Variants in NKX2-2 observed in about 807,000 individuals in gnomAD.
NKX2-2 encodes the protein homeobox protein Nkx-2.2.
A neutral mutation model predicts 24.6 loss-of-function variants in NKX2-2; 8 were observed. That is an observed-to-expected ratio of 0.32 (90% confidence interval 0.19 to 0.59). NKX2-2 has a LOEUF of 0.59. NKX2-2 is among the 20% of genes least tolerant of loss of function. NKX2-2 has a pLI of 0.86. For synonymous variants in NKX2-2, 217 were observed against 173.3 expected (o/e 1.25, Z -1.98); for missense variants, 381 against 373.9 (o/e 1.02, Z -0.16).
upstream of NKX2-2, among the ~76,000 whole-genome samples, chr20:21,515,766 C>G (rs997258729): frequency 1.3e-5 from 2 of 152,126 alleles, no homozygotes; most frequent in African/African-American, 4.8e-5. Context: ...CCAAGCTGAG[C>G]GCGCGGGCAC....
In NKX2-2 at chr20:21,513,562, G is replaced by A. The variant is rs201064818; in HGVS notation, c.108C>T (p.Asn36=). 1.8e-5 allele frequency: 29 copies of A among 1,613,336 alleles called. No individual in the cohort carries two copies. The Middle Eastern group carries it at 6.6e-4, about 37-fold the overall frequency. ...CCCTCTTGGCTGGCTCGGGCCCCTC[G>A]TTCTCTTCCTCCGGACCTTCGGCCA... ...GSVAEGPEEE[N]EGPEPAKRAG... The change falls in exon 1 of 2, where the codon AAC becomes AAT. Residue 36 remains asparagine, a synonymous_variant. Coordinates refer to ENST00000377142, the MANE Select transcript of NKX2-2 (RefSeq NM_002509.4). The surrounding 1 kb of genome is among the most constrained non-coding windows in gnomAD (Gnocchi z 4.6).
the NKX2-2 span, among the ~76,000 whole-genome samples, chr20:21,519,696 C>A: frequency 6.6e-6 from 1 of 152,230 alleles, no homozygotes; most frequent in African/African-American, 2.4e-5. Flanking sequence ...AGGAGTACTA[C>A]CCCGTGCTGG....
Position 21,512,390 on chromosome 20 carries a change from G to A in NKX2-2, c.355C>T (p.Pro119Ser), listed in dbSNP as rs772583033. The stretch of plus-strand genomic sequence containing the variant: ...TTGCCGGCGTCCCCCCCGCCGCCCG[G>A]GGTCTCCTTGTCATTGTCCGGTGAC... ...DESPDNDKET[P>S]GGGGDAGKKR... The change falls in exon 2 of 2, where the codon CCG becomes TCG. Residue 119 changes from proline (P) to serine (S), a missense_variant. Around this residue, in one of 3 missense-constraint regions of NKX2-2, gnomAD observed 206 missense variants for 173.1 expected, o/e 1.19. Transcript: ENST00000377142. The A allele has an allele frequency of 1.2e-6, 2 of 1,600,810 alleles. No individual in the cohort carries two copies. Among genetic ancestry groups the A allele is most frequent in the Non-Finnish European group, 1.7e-6 (2 of 1,175,808 alleles).
chr20:21,519,697 C>T, the NKX2-2 span, among the ~76,000 whole-genome samples: 1 of 152,214 alleles, frequency 6.6e-6, no homozygotes, highest in Non-Finnish European at 1.5e-5. Flanking sequence ...GGAGTACTAC[C>T]CCGTGCTGGG....
upstream of NKX2-2, among the ~76,000 whole-genome samples, chr20:21,515,189 TCCCTCCCTCTCCGGCC>T (rs1242439433): frequency 6.8e-6 from 1 of 147,186 alleles, no homozygotes; most frequent in Non-Finnish European, 1.5e-5. Context: ...CCCTCTATTA[TCCCTCCCTCTCCGGCC>T]CCCTCCCTCT....
upstream of NKX2-2, among the ~76,000 whole-genome samples, chr20:21,514,294 A>T (rs1285727441): frequency 6.6e-6 from 1 of 152,152 alleles, no homozygotes; most frequent in African/African-American, 2.4e-5. Context: ...CAGTATTTGC[A>T]GATGTGAAAT....
chr20:21,512,539 C>T, intron 1 of NKX2-2, 54 bp from the exon 2 acceptor site: 3 of 1,335,252 alleles, frequency 2.2e-6, no homozygotes, highest in Non-Finnish European at 3.0e-6. Context: ...CGCGCGCAGC[C>T]TGCACCAGAC....
At chr20:21,518,741 T>A (rs1245045563), upstream of NKX2-2, among the ~76,000 whole-genome samples, 1 of 152,180 alleles carries the variant, frequency 6.6e-6, no homozygotes, top group African/African-American at 2.4e-5. Flanking sequence ...ACGCCCCCTG[T>A]TGTGGGGGTG....
In NKX2-2 at chr20:21,511,934, A is replaced by G. The variant is rs1402311246; in HGVS notation, c.811T>C (p.Trp271Arg). Residue 271 changes from tryptophan to arginine, a missense_variant, in exon 2 of 2, where the codon TGG (tryptophan) becomes CGG (arginine). Physicochemically the swap from Trp to Arg is moderately radical, Grantham distance 101 (BLOSUM62 -3). Around this residue, in one of 3 missense-constraint regions of NKX2-2, gnomAD observed 139 missense variants for 121.7 expected, o/e 1.14. Transcript: ENST00000377142. The stretch of plus-strand genomic sequence containing the variant: ...CGTTGGGGCGGCGCTCACCAAGTCC[A>G]CTGCTGGGCCTGGACCAGGGGGTGT... ...TAHPLVQAQQ[W>R]TW The G allele has an allele frequency of 6.3e-7, 1 of 1,586,128 alleles. No individual in the cohort carries two copies.
chr20:21,522,632 C>G, the NKX2-2 span, among the ~76,000 whole-genome samples: 6 of 151,798 alleles, frequency 4.0e-5, no homozygotes, highest in East Asian at 1.9e-4. Flanking sequence ...CTCTTTATCC[C>G]GAGTCGCGGG....
chr20:21,512,253 G>C lies in NKX2-2; in HGVS notation c.492C>G (p.Leu164=), dbSNP rs958689269. The part of the protein sequence containing the change: ...SAPEREHLAS[L]IRLTPTQVKI... ...TGACCTGCGTGGGCGTGAGGCGGAT[G>C]AGGCTGGCCAGGTGTTCGCGCTCGG... The change falls in exon 2 of 2, where the codon CTC becomes CTG. Residue 164 remains leucine (L), a synonymous_variant. Coordinates refer to ENST00000377142, the MANE Select transcript of NKX2-2 (RefSeq NM_002509.4). 4 of 1,613,856 alleles carry C rather than the reference G, an allele frequency of 2.5e-6. No individual in the cohort carries two copies. Among genetic ancestry groups the C allele is most frequent in the Non-Finnish European group, 3.4e-6 (4 of 1,179,962 alleles).
rs771552177 is a variant in NKX2-2, at chr20:21,512,389, G to A, written c.356C>T (p.Pro119Leu). The A allele has an allele frequency of 5.6e-6, 9 of 1,600,888 alleles. No individual in the cohort carries two copies. The South Asian group carries it at 1.0e-4, about 18-fold the overall frequency. ...DESPDNDKET[P>L]GGGGDAGKKR... ...CTTGCCGGCGTCCCCCCCGCCGCCCGGGGTCTCCTTGTCATTGTCCGGTGA... is the reference window on the plus strand; with the variant it reads ...CTTGCCGGCGTCCCCCCCGCCGCCCAGGGTCTCCTTGTCATTGTCCGGTGA... Residue 119 changes from proline to leucine, a missense_variant, in exon 2 of 2, where the codon CCG becomes CTG. Physicochemically the swap from Pro to Leu is moderately conservative, Grantham distance 98 (BLOSUM62 -3). Coordinates refer to ENST00000377142, the MANE Select transcript of NKX2-2 (RefSeq NM_002509.4).
Position 21,513,774 on chromosome 20 carries a change from G to A in NKX2-2, c.-105C>T, listed in dbSNP as rs1465090722. The A allele has an allele frequency of 2.0e-5, 4 of 195,756 alleles. No individual in the cohort carries two copies. Among genetic ancestry groups the A allele is most frequent in the East Asian group, 2.7e-4 (1 of 3,674 alleles). 12.1% of individuals were successfully genotyped at this position (195,756 alleles called of 1,614,324 possible). On this transcript the variant is annotated 5_prime_UTR_variant, in exon 1 of 2. Transcript: ENST00000377142. The surrounding 1 kb of genome is among the most constrained non-coding windows in gnomAD (Gnocchi z 4.6). ...GGGGGAGGGGGGAGTTGGGGGGAGG[G>A]ACTGGGGGAGGGGAGGGGGGAATTG... is the stretch of plus-strand genomic sequence containing the variant.
chr20:21,517,538 G>T (rs994845544), upstream of NKX2-2, among the ~76,000 whole-genome samples: 14 of 152,318 alleles, frequency 9.2e-5, no homozygotes, highest in Non-Finnish European at 1.9e-4. Context: ...TGGGAGGTCC[G>T]TAATTGAAGG....
At chr20:21,521,224 C>T in the NKX2-2 span, among the ~76,000 whole-genome samples, 2 of 152,106 alleles carry the variant, frequency 1.3e-5, no homozygotes, top group Admixed American at 1.3e-4. Context: ...GCAACGTCCC[C>T]TTTCCACCCC....
chr20:21,512,966 C>T (rs1042649909), intron 1 of NKX2-2, among the ~76,000 whole-genome samples: 1 of 152,168 alleles, frequency 6.6e-6, no homozygotes, highest in African/African-American at 2.4e-5. Flanking sequence ...TCTATGATCG[C>T]GCAGGGGGCA....
At chr20:21,518,159 C>A (rs576263142), upstream of NKX2-2, among the ~76,000 whole-genome samples, 1 of 152,270 alleles carries the variant, frequency 6.6e-6, no homozygotes, top group Non-Finnish European at 1.5e-5. Context: ...GGAAGTTGAG[C>A]TGGGTGCTGG....
upstream of NKX2-2, among the ~76,000 whole-genome samples, chr20:21,515,556 C>T (rs984551328): frequency 8.6e-5 from 13 of 151,616 alleles, no homozygotes; most frequent in Admixed American, 5.2e-4. Flanking sequence ...TGGAAAAGAC[C>T]ACGCCGCATT....
upstream of NKX2-2, among the ~76,000 whole-genome samples, chr20:21,518,075 TG>T (rs1980685913): frequency 1.3e-5 from 2 of 152,240 alleles, no homozygotes; most frequent in African/African-American, 2.4e-5. Flanking sequence ...GTTTGAGCTT[TG>T]GGCTCAGCTG....
Sources: allele counts gnomAD v4.1 joint callset (sites outside exome capture counted in the v4.1 genomes callset), GRCh38; gene constraint gnomAD v4.1.1; regional missense constraint gnomAD v4.1.1; non-coding constraint Gnocchi (gnomAD v3.1); transcripts MANE v1.5; gene names NCBI Gene and HGNC (gene_info 2026-07-23, HGNC 2026-07-21).